Variants in PTPRD observed in about 807,000 individuals in gnomAD.
PTPRD encodes the protein protein tyrosine phosphatase receptor type D.
PTPRD carries 34 observed loss-of-function variants against 214.5 expected under a neutral mutation model. That is an observed-to-expected ratio of 0.16 (90% CI 0.12 to 0.21). PTPRD has a LOEUF of 0.21. Among genes scored for constraint, PTPRD ranks in the 10% least tolerant of loss-of-function variants. The pLI is 1.00. For synonymous variants in PTPRD, 1,128 were observed against 845.7 expected, an observed-to-expected ratio of 1.33 and a Z score of -5.79; for missense variants, 2,545 against 2,398.7, an observed-to-expected ratio of 1.06 and a Z score of -1.27.
chr9:8,785,798 T>C (rs2095924977), intron 11 of PTPRD, among the ~76,000 whole-genome samples: 1 of 152,200 alleles, frequency 6.6e-6, no homozygotes, highest in African/African-American at 2.4e-5. Context: ...GCTGAGGTTA[T>C]AGTCAATATA....
intron 14 of PTPRD, among the ~76,000 whole-genome samples, chr9:8,560,024 A>T (rs910773222): frequency 3.9e-5 from 6 of 152,220 alleles, no homozygotes; most frequent in African/African-American, 1.4e-4. Context: ...AGGAAAGTCT[A>T]TATGCAGTAA....
intron 11 of PTPRD, among the ~76,000 whole-genome samples, chr9:8,749,272 C>G (rs761346177): frequency 2.6e-5 from 4 of 152,154 alleles, no homozygotes; most frequent in Non-Finnish European, 5.9e-5. Context: ...ATTTCCGCCT[C>G]CGGGTTCAAG....
At chr9:9,703,877 A>G (rs1417162149) in intron 7 of PTPRD, among the ~76,000 whole-genome samples, 2 of 152,104 alleles carry the variant, frequency 1.3e-5, no homozygotes, top group Non-Finnish European at 1.5e-5. Context: ...AGAAAAAATA[A>G]TTACTTGATT....
rs555274592 is a variant in PTPRD at position 8,440,997 on chromosome 9, C to T, written c.3989-4308G>A. Among the ~76,000 whole-genome samples the T allele has an allele frequency of 1.2e-4, 19 of 152,236 alleles. No individual in the cohort carries two copies. The East Asian group carries it at 1.4e-3, about 11-fold the overall frequency. Reference sequence around the variant, plus strand: ...TGGGCATCTTTCTACTGTACTATTCCGAGAACGGCATTTGCGATCTTCTAA... The same window carrying T: ...TGGGCATCTTTCTACTGTACTATTCTGAGAACGGCATTTGCGATCTTCTAA... On this transcript the variant is annotated intron_variant, in intron 34 of 45. Coordinates refer to ENST00000381196, the MANE Select transcript of PTPRD (RefSeq NM_002839.4).
At chr9:9,292,642 G>C (rs955798941) in intron 9 of PTPRD, among the ~76,000 whole-genome samples, 10 of 151,000 alleles carry the variant, frequency 6.6e-5, no homozygotes, top group African/African-American at 2.4e-4. Flanking sequence ...TATTCAGATT[G>C]CCTTAGTTAT....
At chr9:9,652,664 G>C (rs2096394590) in intron 7 of PTPRD, among the ~76,000 whole-genome samples, 1 of 150,530 alleles carries the variant, frequency 6.6e-6, no homozygotes, top group Non-Finnish European at 1.5e-5. Context: ...GCCCAGGCTG[G>C]AGTGCAATGG....
chr9:10,209,896 T>C (rs192065410), intron 3 of PTPRD, among the ~76,000 whole-genome samples: 26 of 152,276 alleles, frequency 1.7e-4, no homozygotes, highest in African/African-American at 6.3e-4. Flanking sequence ...ATAATGTAAA[T>C]CTGGTGCTTT....
rs540845054 is a variant in PTPRD at position 9,484,367 on chromosome 9, A to G, written c.-236-86885T>C. ...GAATAGACATGGTAATAGAATCAGC[A>G]TAGTAGTTAGTTCAGGAAAAGGGAA... On this transcript the variant is annotated intron_variant, in intron 8 of 45. Coordinates refer to ENST00000381196, the MANE Select transcript of PTPRD (RefSeq NM_002839.4). Among the ~76,000 whole-genome samples, 25 of 152,270 alleles carry G rather than the reference A, an allele frequency of 1.6e-4. No individual in the cohort carries two copies. The South Asian group carries it at 5.2e-3, about 32-fold the overall frequency.
chr9:8,500,777 A>G lies in PTPRD; in HGVS notation c.2105T>C (p.Val702Ala), dbSNP rs566949785. ...ACCATCTTCATTGGTTCGAATCAACACGGACAAGCTCTCAGGGCCAGGGCC... is the reference window on the plus strand; with the variant it reads ...ACCATCTTCATTGGTTCGAATCAACGCGGACAAGCTCTCAGGGCCAGGGCC... ...DVGPGPESLS[V>A]LIRTNEDVPS... Residue 702 changes from valine (V) to alanine (A), a missense_variant, in exon 24 of 46, where the codon GTG (valine) becomes GCG (alanine). Physicochemically the swap from Val to Ala is moderately conservative, Grantham distance 64. Coordinates refer to ENST00000381196, the MANE Select transcript of PTPRD (RefSeq NM_002839.4). 5.0e-6 allele frequency: 8 copies of G among 1,614,128 alleles called. 1 individual carries two copies. In the Admixed American group the frequency reaches 1.2e-4, roughly 24 times the overall value.
chr9:8,452,278 G>C (rs986150144), intron 33 of PTPRD, among the ~76,000 whole-genome samples: 1 of 152,164 alleles, frequency 6.6e-6, no homozygotes, highest in African/African-American at 2.4e-5. Flanking sequence ...AATTCTGGCT[G>C]TCCACATTCT....
intron 7 of PTPRD, among the ~76,000 whole-genome samples, chr9:9,682,535 G>C (rs374751990): frequency 6.6e-6 from 1 of 151,666 alleles, no homozygotes; most frequent in South Asian, 2.1e-4. Flanking sequence ...GTAGATCAAT[G>C]CAAGTGTGGG....
intron 11 of PTPRD, among the ~76,000 whole-genome samples, chr9:8,801,212 C>A (rs528520133): frequency 1.3e-5 from 2 of 152,290 alleles, no homozygotes; most frequent in African/African-American, 4.8e-5. Flanking sequence ...TAAAAATGCA[C>A]TGGCAGTTTT....
In PTPRD at chr9:9,564,805, C is replaced by T. The variant is rs143762904; in HGVS notation, c.-237+9927G>A. Among the ~76,000 whole-genome samples the T allele has an allele frequency of 2.7e-5, 4 of 147,386 alleles. No homozygotes were observed. The East Asian group carries it at 6.2e-4, about 23-fold the overall frequency. On this transcript the variant is annotated intron_variant, in intron 8 of 45. Transcript: ENST00000381196. ...TAGCACTTAGAAAAAATATATCACA[C>T]TTAGATTTTACTTCTGAAGATATTT...
chr9:9,060,198 G>A (rs1050141327), intron 10 of PTPRD, among the ~76,000 whole-genome samples: 17 of 152,238 alleles, frequency 1.1e-4, no homozygotes, highest in South Asian at 4.1e-4. Context: ...ATTGGTTTAC[G>A]CATAGGAAAA....
rs182841629 is a variant in PTPRD at position 10,013,666 on chromosome 9, A to G, written c.-472+20052T>C. 2.3e-3 allele frequency among the ~76,000 whole-genome samples: 346 copies of G among 152,074 alleles called. 3 individuals are homozygous for G. The highest frequency in any genetic ancestry group is 5.6e-3 in the South Asian group (27 of 4,828). On this transcript the variant is annotated intron_variant, in intron 4 of 45. Coordinates refer to ENST00000381196, the MANE Select transcript of PTPRD (RefSeq NM_002839.4). ...AAATTTTACAAAGACTCCAGTACAC[A>G]TGGATGAAATACTTCACTGAGTTTT...
At chr9:9,405,527 G>T (rs1330262336) in intron 8 of PTPRD, among the ~76,000 whole-genome samples, 2 of 152,000 alleles carry the variant, frequency 1.3e-5, no homozygotes, top group Non-Finnish European at 2.9e-5. Context: ...CTGCTCTGGG[G>T]CATGCTTTAT....
intron 2 of PTPRD, among the ~76,000 whole-genome samples, chr9:10,381,717 A>T (rs901494229): frequency 6.6e-6 from 1 of 151,958 alleles, no homozygotes; most frequent in African/African-American, 2.4e-5. Flanking sequence ...AAAGTTATCT[A>T]CAGATTTTTT....
At chr9:8,869,157 G>A (rs964694968) in intron 11 of PTPRD, among the ~76,000 whole-genome samples, 1 of 152,138 alleles carries the variant, frequency 6.6e-6, no homozygotes, top group Non-Finnish European at 1.5e-5. Flanking sequence ...ATGCCTTTGT[G>A]TTATTTTCAG....
At chr9:9,688,862 C>G (rs1426991463) in intron 7 of PTPRD, among the ~76,000 whole-genome samples, 3 of 151,460 alleles carry the variant, frequency 2.0e-5, no homozygotes, top group Non-Finnish European at 4.4e-5. Context: ...TAAGGGGGTA[C>G]TTGTTTTTTT....
Sources: gnomAD v4.1 joint callset for allele counts (sites outside exome capture counted in the v4.1 genomes callset) on GRCh38, gnomAD v4.1.1 for gene constraint, MANE v1.5 for transcripts, NCBI Gene and HGNC (gene_info 2026-07-23, HGNC 2026-07-21) for gene names.